Variants in EVI5 observed in about 807,000 individuals in gnomAD.
The protein encoded by EVI5 is ecotropic viral integration site 5 protein homolog.
A neutral mutation model predicts 112.0 loss-of-function variants in EVI5; 73 were observed. The ratio of observed to expected loss-of-function variants is 0.65; its 90% confidence interval spans 0.54 to 0.79. The LOEUF (loss-of-function observed/expected upper bound fraction) is 0.79, where lower values mean the gene tolerates loss of function less well. Among genes scored for constraint, EVI5 ranks in the 30% least tolerant of loss-of-function variants. The probability of loss-of-function intolerance (pLI) is 0.00; values close to 1 mark genes in which losing one functional copy is unlikely to be tolerated. For missense variants in EVI5, 900 were observed against 968.8 expected (o/e 0.93, Z 0.94); for synonymous variants, 305 against 319.9 (o/e 0.95, Z 0.50).
At chr1:92,716,042 G>A (rs1229281341) in intron 2 of EVI5, among the ~76,000 whole-genome samples, 1 of 152,156 alleles carries the variant, frequency 6.6e-6, no homozygotes, top group Non-Finnish European at 1.5e-5. Context: ...AGGTGTAGCT[G>A]AACAAAAGGC....
intron 1 of EVI5, among the ~76,000 whole-genome samples, chr1:92,776,196 A>G (rs1684113463): frequency 6.6e-6 from 1 of 152,098 alleles, no homozygotes; most frequent in African/African-American, 2.4e-5. Context: ...GAAAAAATCT[A>G]TCTACTATCT....
intron 1 of EVI5, among the ~76,000 whole-genome samples, chr1:92,741,551 C>G (rs1012477663): frequency 1.3e-5 from 2 of 152,030 alleles, no homozygotes; most frequent in Admixed American, 1.3e-4. Context: ...TTCAAACAGA[C>G]AGTAACTTCA....
At position 92,625,018 on chromosome 1, in the gene EVI5, T is replaced by C. The variant is rs75412038; in HGVS notation, c.1669-684A>G. Among the ~76,000 whole-genome samples the C allele has an allele frequency of 8.4e-4, 128 of 152,298 alleles. 1 individual carries two copies. The East Asian group carries it at 0.023, about 27-fold the overall frequency. On this transcript the variant is annotated intron_variant, in intron 15 of 19. Coordinates refer to ENST00000684568, the MANE Select transcript of EVI5 (RefSeq NM_001350197.2). ...ATACAGTTCAAATTTTTTCTCTATA[T>C]ACTGAGGATTAATTCTTGAAAAGAT...
intron 18 of EVI5, among the ~76,000 whole-genome samples, chr1:92,586,606 CTGTGTGTG>C (rs61310991): frequency 8.1e-4 from 59 of 72,776 alleles, no homozygotes; most frequent in South Asian, 8.1e-3. Flanking sequence ...TTTTTTTTGG[CTGTGTGTG>C]TGTGTGTGTG....
At chr1:92,700,418 A>C (rs1047225834) in intron 5 of EVI5, among the ~76,000 whole-genome samples, 3 of 152,220 alleles carry the variant, frequency 2.0e-5, no homozygotes, top group Non-Finnish European at 4.4e-5. Context: ...TAAACTTTAG[A>C]AACAAAAAGA....
intron 1 of EVI5, among the ~76,000 whole-genome samples, chr1:92,763,685 C>G (rs1407882591): frequency 6.6e-6 from 1 of 152,164 alleles, no homozygotes; most frequent in East Asian, 1.9e-4. Flanking sequence ...GGAATCCCAG[C>G]ACTTTAGGAG....
intron 1 of EVI5, among the ~76,000 whole-genome samples, chr1:92,763,067 G>C (rs1266353527): frequency 6.6e-6 from 1 of 152,054 alleles, no homozygotes; most frequent in Non-Finnish European, 1.5e-5. Flanking sequence ...CCAGGAGTTC[G>C]AGACCAGCCT....
intron 19 of EVI5, among the ~76,000 whole-genome samples, chr1:92,552,643 G>T (rs1274450627): frequency 1.3e-5 from 2 of 152,134 alleles, no homozygotes; most frequent in Non-Finnish European, 2.9e-5. Context: ...GGTCCTCTGA[G>T]TATCAGATTC....
At chr1:92,624,669 C>T (rs1392908777) in intron 15 of EVI5, among the ~76,000 whole-genome samples, 1 of 112,890 alleles carries the variant, frequency 8.9e-6, no homozygotes, top group East Asian at 2.8e-4. Flanking sequence ...ATGTTGAAAC[C>T]CTGTCTCTAG....
intron 16 of EVI5, among the ~76,000 whole-genome samples, chr1:92,613,234 G>T (rs546358351): frequency 1.3e-5 from 2 of 152,292 alleles, no homozygotes; most frequent in South Asian, 4.1e-4. Context: ...GAGCACTAAA[G>T]ACCAAACACA....
intron 10 of EVI5, among the ~76,000 whole-genome samples, chr1:92,670,346 C>T (rs1439253621): frequency 6.6e-6 from 1 of 152,156 alleles, no homozygotes; most frequent in Admixed American, 6.5e-5. Context: ...ACAAAGTAAC[C>T]CAACCCCAAC....
At chr1:92,517,885 C>CTTTTT (rs35504849) in intron 19 of EVI5, among the ~76,000 whole-genome samples, 220 of 102,120 alleles carry the variant, frequency 2.2e-3, no homozygotes, top group Non-Finnish European at 2.8e-3. Context: ...ATATTATATG[C>CTTTTT]TTTTTTTTTT....
chr1:92,538,805 G>T (rs1664302043), intron 19 of EVI5, among the ~76,000 whole-genome samples: 1 of 151,910 alleles, frequency 6.6e-6, no homozygotes, highest in South Asian at 2.1e-4. Context: ...ATCAGGCACA[G>T]GTGGCATGGG....
rs898961797 is a variant in EVI5 at position 92,757,423 on chromosome 1, G to A, written c.-81-20796C>T. On this transcript the variant is annotated intron_variant, in intron 1 of 19. Coordinates refer to ENST00000684568, the MANE Select transcript of EVI5 (RefSeq NM_001350197.2). The stretch of plus-strand genomic sequence containing the variant: ...GTTTTTTTTTATTCTACAGTTTTGA[G>A]TTTTATCTTTGTTCTCTAGAAGAAA... 4.0e-5 allele frequency among the ~76,000 whole-genome samples: 6 copies of A among 151,704 alleles called. No individual in the cohort carries two copies. In the South Asian group the frequency reaches 8.3e-4, roughly 21 times the overall value.
At chr1:92,523,189 C>A (rs1282126535) in intron 19 of EVI5, among the ~76,000 whole-genome samples, 1 of 152,058 alleles carries the variant, frequency 6.6e-6, no homozygotes, top group Non-Finnish European at 1.5e-5. Context: ...CGGTGCCTGG[C>A]CTTTAACTTT....
chr1:92,577,055 T>C (rs1671196681), intron 18 of EVI5, among the ~76,000 whole-genome samples: 1 of 152,168 alleles, frequency 6.6e-6, no homozygotes, highest in Non-Finnish European at 1.5e-5. Context: ...CTTCAGAATA[T>C]ACTGAGAAAA....
chr1:92,564,124 T>C (rs1167579772), intron 18 of EVI5, among the ~76,000 whole-genome samples: 3 of 152,168 alleles, frequency 2.0e-5, no homozygotes, highest in South Asian at 4.1e-4. Context: ...GGTTTCTCCA[T>C]GCTGGTCAGG....
chr1:92,619,664 A>G (rs1158883379), intron 16 of EVI5, among the ~76,000 whole-genome samples: 1 of 151,988 alleles, frequency 6.6e-6, no homozygotes, highest in East Asian at 1.9e-4. Flanking sequence ...TCGTGACTGT[A>G]ATCCTAGCAC....
At chr1:92,729,710 A>T (rs1419208553) in intron 2 of EVI5, among the ~76,000 whole-genome samples, 1 of 152,224 alleles carries the variant, frequency 6.6e-6, no homozygotes, top group East Asian at 1.9e-4. Context: ...CAATGTAAAC[A>T]TTATATAATA....
Sources: allele counts gnomAD v4.1 joint callset (sites outside exome capture counted in the v4.1 genomes callset), GRCh38; gene constraint gnomAD v4.1.1; transcripts MANE v1.5; gene names NCBI Gene and HGNC (gene_info 2026-07-23, HGNC 2026-07-21).